FAM20A: variants seen among roughly 807,000 people sequenced by gnomAD.
FAM20A encodes pseudokinase FAM20A.
Under a neutral mutation model 52.0 loss-of-function variants are expected in FAM20A, and 42 were observed. That is an observed-to-expected ratio of 0.81 (90% confidence interval 0.63 to 1.04). The LOEUF (loss-of-function observed/expected upper bound fraction) is 1.04. Ranked by LOEUF, FAM20A falls within the 50% of genes least tolerant of loss-of-function variation. The pLI is 0.00. For missense variants in FAM20A, 742 were observed against 712.7 expected (o/e 1.04, Z -0.47); for synonymous variants, 304 against 298.9 (o/e 1.02, Z -0.18).
intron 4 of FAM20A, among the ~76,000 whole-genome samples, chr17:68,548,120 T>C (rs7211007): frequency 0.2 from 29,925 of 152,034 alleles, 3,109 homozygotes; most frequent in African/African-American, 0.26. Flanking sequence ...TTAGGCCAGG[T>C]GCAGTGGCTC....
intron 1 of FAM20A, among the ~76,000 whole-genome samples, chr17:68,578,838 C>CAA (rs5821664): frequency 0.033 from 1,204 of 36,052 alleles, 139 homozygotes; most frequent in African/African-American, 0.044. Flanking sequence ...CTAAAAATAC[C>CAA]AAAAAAAAAA....
intron 4 of FAM20A, chr17:68,551,330 A>C (rs766680653): frequency 2.5e-6 from 1 of 399,608 alleles, no homozygotes; most frequent in South Asian, 1.4e-4. Flanking sequence ...TTGACTTCCT[A>C]GTAGCCTTTC....
chr17:68,575,791 TACACACACACAC>T (rs761949775), intron 1 of FAM20A, among the ~76,000 whole-genome samples: 20 of 104,216 alleles, frequency 1.9e-4, no homozygotes, highest in South Asian at 3.2e-4. Flanking sequence ...TTTTATATTA[TACACACACACAC>T]ACACACACAC....
rs2086141454 is a variant in FAM20A at position 68,537,893 on chromosome 17, A to C, written c.1362-152T>G. On this transcript the variant is annotated intron_variant, in intron 10 of 10. Transcript: ENST00000592554. This position sits in a 1 kb window ranked among gnomAD's most constrained non-coding sequence, Gnocchi z 4.2. ...ACATTTTAATGGAAACCAGGTAAAA[A>C]GGGAACAAATGAAAGGCAAAATCCA... The C allele has an allele frequency of 2.1e-6, 2 of 954,850 alleles. No homozygotes were observed. Among genetic ancestry groups the C allele is most frequent in the Non-Finnish European group, 3.2e-6 (2 of 625,480 alleles). The allele number at this position is 954,850 out of a possible 1,614,324, so 59.1% of individuals were successfully genotyped here. A position where few individuals can be genotyped will look rare whatever the true frequency, so the allele number is the denominator to read the frequency against.
In FAM20A at chr17:68,590,724, G is replaced by A. The variant is rs568595118; in HGVS notation, c.404+9539C>T. 5.3e-5 allele frequency among the ~76,000 whole-genome samples: 8 copies of A among 152,288 alleles called. No homozygotes were observed. In the East Asian group the frequency reaches 1.5e-3, roughly 29 times the overall value. On this transcript the variant is annotated intron_variant, in intron 1 of 10. Coordinates refer to ENST00000592554, the MANE Select transcript of FAM20A (RefSeq NM_017565.4). ...GCAGACACAAGTTGAGAAACTTTCT[G>A]GTACCATGTTAGTCACTAAAGCCCC...
chr17:68,552,664 TCC>T lies in FAM20A; in HGVS notation c.641-715_641-714del, dbSNP rs1340422599. ...CCTGGAGCCCTGTAAACCTTTATTT[TCC>T]TTTTTTTTTTTTTTTTTTTTTTTTT... is the stretch of plus-strand genomic sequence containing the variant. On this transcript the variant is annotated intron_variant, in intron 3 of 10. Coordinates refer to ENST00000592554, the MANE Select transcript of FAM20A (RefSeq NM_017565.4). 7.7e-4 allele frequency among the ~76,000 whole-genome samples: 94 copies of T among 122,008 alleles called. 2 individuals carry two copies. Among genetic ancestry groups the T allele is most frequent in the African/African-American group, 2.9e-3 (92 of 31,866 alleles). The allele number at this position is 122,008 out of a possible 152,430, so 80.0% of individuals were successfully genotyped here.
chr17:68,572,506 G>A (rs1324448151), intron 1 of FAM20A, among the ~76,000 whole-genome samples: 1 of 152,200 alleles, frequency 6.6e-6, no homozygotes, highest in African/African-American at 2.4e-5. Context: ...ACTGGGCCAA[G>A]AAGGGCATGG....
chr17:68,559,808 A>G (rs891166700), intron 1 of FAM20A, among the ~76,000 whole-genome samples: 3 of 152,152 alleles, frequency 2.0e-5, no homozygotes, highest in African/African-American at 7.2e-5. Context: ...GTATGATAAT[A>G]TAAAATCCGC....
chr17:68,561,971 A>G (rs1182875999), intron 1 of FAM20A, among the ~76,000 whole-genome samples: 1 of 152,064 alleles, frequency 6.6e-6, no homozygotes, highest in Non-Finnish European at 1.5e-5. Flanking sequence ...TTACAGGCGC[A>G]TGCCACCACA....
Position 68,572,257 on chromosome 17 carries a change from C to T in FAM20A, c.405-16514G>A, listed in dbSNP as rs1173127680. On this transcript the variant is annotated intron_variant, in intron 1 of 10. Coordinates refer to ENST00000592554, the MANE Select transcript of FAM20A (RefSeq NM_017565.4). Reference sequence around the variant, plus strand: ...ATATTTCTTGATCATAACCTGGCTCCCTTCTCAACTCCACAGCATTCAGCA... The same window carrying T: ...ATATTTCTTGATCATAACCTGGCTCTCTTCTCAACTCCACAGCATTCAGCA... 2.6e-5 allele frequency among the ~76,000 whole-genome samples: 4 copies of T among 151,696 alleles called. No homozygotes were observed. In the South Asian group the frequency reaches 6.2e-4, roughly 24 times the overall value.
At chr17:68,549,787 AAG>A (rs1188146063) in intron 4 of FAM20A, among the ~76,000 whole-genome samples, 3 of 151,016 alleles carry the variant, frequency 2.0e-5, no homozygotes, top group African/African-American at 5.0e-5. Context: ...CATTGTGCCA[AAG>A]AGTCACATGT....
At chr17:68,588,758 A>G (rs1385023624) in intron 1 of FAM20A, among the ~76,000 whole-genome samples, 14 of 152,190 alleles carry the variant, frequency 9.2e-5, no homozygotes, top group Admixed American at 9.2e-4. Context: ...GTCACCAAAC[A>G]CAGTCACATT....
In FAM20A at chr17:68,600,650, C is replaced by T. The variant is rs1166218670; in HGVS notation, c.17G>A (p.Arg6Gln). The change falls in exon 1 of 11, where the codon CGG becomes CAG. Residue 6 changes from arginine (R) to glutamine (Q), a missense_variant. Physicochemically the swap from Arg to Gln is conservative, Grantham distance 43. Transcript: ENST00000592554. This position sits in a 1 kb window ranked among gnomAD's most constrained non-coding sequence, Gnocchi z 6.2. MPGLR[R>Q]DRLLTLLLLG... ...CAGCAGCAGAGTCAGTAGGCGGTCC[C>T]GGCGCAGCCCCGGCATGGCGTGCTG... The T allele has an allele frequency of 1.9e-6, 3 of 1,550,082 alleles. 1 individual carries two copies. Among genetic ancestry groups the T allele is most frequent in the South Asian group, 1.2e-5 (1 of 84,966 alleles).
chr17:68,543,428 C>T (rs1002302480), intron 5 of FAM20A, among the ~76,000 whole-genome samples: 1 of 152,128 alleles, frequency 6.6e-6, no homozygotes, highest in Non-Finnish European at 1.5e-5. Context: ...TCGTTACATT[C>T]GTTAAAAGGC....
At chr17:68,547,242 A>G (rs576000834) in intron 4 of FAM20A, among the ~76,000 whole-genome samples, 7 of 152,358 alleles carry the variant, frequency 4.6e-5, no homozygotes, top group South Asian at 2.1e-4. Context: ...CAAGAGAGTC[A>G]GCCTGTCCTT....
chr17:68,543,273 G>A (rs1475323467), intron 5 of FAM20A, among the ~76,000 whole-genome samples: 2 of 152,128 alleles, frequency 1.3e-5, no homozygotes, highest in Non-Finnish European at 2.9e-5. Context: ...GGAATGTTTA[G>A]GAATGTGCTT....
At chr17:68,560,979 G>A (rs1479200006) in intron 1 of FAM20A, among the ~76,000 whole-genome samples, 1 of 152,130 alleles carries the variant, frequency 6.6e-6, no homozygotes, top group African/African-American at 2.4e-5. Flanking sequence ...CATTACATTT[G>A]CCTATGTTTG....
intron 4 of FAM20A, among the ~76,000 whole-genome samples, chr17:68,544,709 C>A (rs974813063): frequency 5.3e-5 from 8 of 151,026 alleles, no homozygotes; most frequent in Admixed American, 1.3e-4. Flanking sequence ...GCCACCGTTA[C>A]AGCACAACCC....
At chr17:68,581,350 T>TTTTCTTCCTTTCTTTC (rs1555831892) in intron 1 of FAM20A, among the ~76,000 whole-genome samples, 1 of 92,218 alleles carries the variant, frequency 1.1e-5, no homozygotes, top group Non-Finnish European at 2.1e-5. Flanking sequence ...GAAATGCAGT[T>TTTTCTTCCTTTCTTTC]TTTCTTTCTT....
Sources: allele counts gnomAD v4.1 joint callset (sites outside exome capture counted in the v4.1 genomes callset), GRCh38; gene constraint gnomAD v4.1.1; non-coding constraint Gnocchi (gnomAD v3.1); transcripts MANE v1.5; gene names NCBI Gene and HGNC (gene_info 2026-07-23, HGNC 2026-07-21).